KCNQ2: variants seen among roughly 807,000 people sequenced by gnomAD.
KCNQ2 encodes the protein potassium voltage-gated channel subfamily Q member 2, also known as potassium voltage-gated channel subfamily KQT member 2.
In KCNQ2, 14 loss-of-function variants were observed where a neutral mutation model predicts 84.8. That is an observed-to-expected ratio of 0.17 (90% CI 0.11 to 0.26). The LOEUF (loss-of-function observed/expected upper bound fraction) is 0.26. KCNQ2 is among the 10% of genes least tolerant of loss of function. The probability of loss-of-function intolerance (pLI) is 1.00; values close to 1 mark genes in which losing one functional copy is unlikely to be tolerated. For missense variants in KCNQ2, 788 were observed against 1,254.0 expected, an observed-to-expected ratio of 0.63 and a Z score of 5.61; for synonymous variants, 599 against 554.1, an observed-to-expected ratio of 1.08 and a Z score of -1.14.
intron 9 of KCNQ2, among the ~76,000 whole-genome samples, chr20:63,428,791 C>T (rs1020425935): frequency 2.0e-5 from 3 of 152,148 alleles, no homozygotes; most frequent in Non-Finnish European, 4.4e-5. Context: ...CCCTTCTAAT[C>T]CCTGAACATC....
At chr20:63,409,502 G>A (rs1375585909) in intron 15 of KCNQ2, among the ~76,000 whole-genome samples, 4 of 152,202 alleles carry the variant, frequency 2.6e-5, no homozygotes, top group Admixed American at 1.3e-4. Context: ...GTGGGTGTGC[G>A]CTGAGGCCTG....
intron 11 of KCNQ2, among the ~76,000 whole-genome samples, chr20:63,421,682 A>C (rs3787125): frequency 0.44 from 67,049 of 151,910 alleles, 15,028 homozygotes; most frequent in East Asian, 0.62. Flanking sequence ...GGGGAGCCCG[A>C]ACAGGCACGG....
At chr20:63,417,971 G>A (rs973871180) in intron 12 of KCNQ2, among the ~76,000 whole-genome samples, 8 of 152,120 alleles carry the variant, frequency 5.3e-5, no homozygotes, top group South Asian at 2.1e-4. Flanking sequence ...CTCGGGCTCC[G>A]CTCCCACCTC....
chr20:63,462,077 C>A (rs1199490283), intron 1 of KCNQ2, among the ~76,000 whole-genome samples: 3 of 131,370 alleles, frequency 2.3e-5, no homozygotes, highest in Non-Finnish European at 4.7e-5. Context: ...GCTGCACCCA[C>A]CCCAGGGAGC....
At chr20:63,442,628 A>G in intron 4 of KCNQ2, 97 bp from the exon 5 acceptor site, 2 of 1,293,192 alleles carry the variant, frequency 1.5e-6, no homozygotes, top group South Asian at 1.2e-5. Context: ...CACCATGACC[A>G]CCATCACCAC....
At chr20:63,443,274 C>T (rs1253776293) in intron 4 of KCNQ2, among the ~76,000 whole-genome samples, 57 of 25,488 alleles carry the variant, frequency 2.2e-3, no homozygotes, top group African/African-American at 8.1e-3. Flanking sequence ...ATCATCACCA[C>T]CATCACCATC....
Position 63,407,624 on chromosome 20 carries a change from G to A in KCNQ2, c.1888-249C>T, listed in dbSNP as rs190454024. Among the ~76,000 whole-genome samples the A allele has an allele frequency of 2.0e-5, 3 of 152,014 alleles. No homozygotes were observed. Among genetic ancestry groups the A allele is most frequent in the Non-Finnish European group, 2.9e-5 (2 of 67,904 alleles). On this transcript the variant is annotated intron_variant, in intron 16 of 16. Transcript: ENST00000359125. The surrounding 1 kb of genome is among the most constrained non-coding windows in gnomAD (Gnocchi z 7.2). ...GACCCAGGCTAGTCCCAGGAAATGG[G>A]GGACCCAGGCTAGTCCCAGGAAATG...
intron 1 of KCNQ2, among the ~76,000 whole-genome samples, chr20:63,470,199 CCCCTGCCCACAG>C (rs2082180806): frequency 2.0e-5 from 3 of 151,310 alleles, no homozygotes; most frequent in African/African-American, 7.4e-5. Flanking sequence ...GTCCAAGCCA[CCCCTGCCCACAG>C]CAAAGGAGCT....
intron 1 of KCNQ2, among the ~76,000 whole-genome samples, chr20:63,456,979 G>T (rs1191171576): frequency 2.6e-5 from 4 of 152,182 alleles, no homozygotes; most frequent in Non-Finnish European, 5.9e-5. Context: ...CCTCCCTGGG[G>T]GCCCCGCTCG....
At position 63,414,267 on chromosome 20, in the gene KCNQ2, C is replaced by T. The variant is rs1225044362; in HGVS notation, c.1526-74G>A. On this transcript the variant is annotated intron_variant, in intron 13 of 16. Transcript: ENST00000359125. This position sits in a 1 kb window ranked among gnomAD's most constrained non-coding sequence, Gnocchi z 6.6. ...TATTCCCGGGGTCCTGCAGGGCACA[C>T]CGGCTAGACAGAGCGCCAGGGAGCC... 9.9e-6 allele frequency: 11 copies of T among 1,111,580 alleles called. No homozygotes were observed. In the African/African-American group the frequency reaches 1.2e-4, roughly 12 times the overall value. 68.9% of individuals were successfully genotyped at this position (1,111,580 alleles called of 1,614,324 possible). A position where few individuals can be genotyped will look rare whatever the true frequency, so the allele number is the denominator to read the frequency against.
In KCNQ2 at chr20:63,400,558, C is replaced by T; in HGVS notation, c.*6086G>A. The T allele has an allele frequency of 2.5e-6, 1 of 398,364 alleles. No individual in the cohort carries two copies. Among genetic ancestry groups the T allele is most frequent in the Non-Finnish European group, 4.4e-6 (1 of 225,980 alleles). 24.7% of individuals were successfully genotyped at this position (398,364 alleles called of 1,614,324 possible). ...GGCACAAGGACACATACAAAATGGT[C>T]AGAAGTGTACGTCGGTACTGAAGGC... On this transcript the variant is annotated 3_prime_UTR_variant, in exon 17 of 17. Coordinates refer to ENST00000359125, the MANE Select transcript of KCNQ2 (RefSeq NM_172107.4). This position sits in a 1 kb window ranked among gnomAD's most constrained non-coding sequence, Gnocchi z 8.7.
At chr20:63,468,476 G>T (rs947720631) in intron 1 of KCNQ2, among the ~76,000 whole-genome samples, 2 of 152,236 alleles carry the variant, frequency 1.3e-5, no homozygotes, top group African/African-American at 4.8e-5. Flanking sequence ...GCTCACACCA[G>T]CCCCAGAGCT....
At chr20:63,445,782 G>A (rs1366974599) in intron 2 of KCNQ2, among the ~76,000 whole-genome samples, 5,316 of 100,618 alleles carry the variant, frequency 0.053, 436 homozygotes, top group Middle Eastern at 0.076. Flanking sequence ...TGAGCTGGGG[G>A]ACCCTGTCTG....
chr20:63,449,187 CATA>C (rs1482206694), intron 1 of KCNQ2: 1 of 152,288 alleles, frequency 6.6e-6, no homozygotes, highest in African/African-American at 2.4e-5. Flanking sequence ...CCTTAAGACA[CATA>C]ATGTGAGCAC....
intron 1 of KCNQ2, among the ~76,000 whole-genome samples, chr20:63,458,293 C>T (rs770029372): frequency 2.0e-5 from 3 of 151,976 alleles, no homozygotes; most frequent in Admixed American, 6.5e-5. Flanking sequence ...CCAGCATAGG[C>T]GAGCCCCAGG....
At chr20:63,461,905 A>G (rs1213756270) in intron 1 of KCNQ2, among the ~76,000 whole-genome samples, 1 of 130,164 alleles carries the variant, frequency 7.7e-6, no homozygotes, top group Non-Finnish European at 1.6e-5. Context: ...TACCCCAGGG[A>G]GCAGGGAGGA....
intron 1 of KCNQ2, among the ~76,000 whole-genome samples, chr20:63,470,261 G>A (rs960124502): frequency 2.0e-5 from 3 of 147,290 alleles, no homozygotes; most frequent in Non-Finnish European, 1.5e-5. Flanking sequence ...AGGGAGCTCC[G>A]TGCCCACAGC....
At chr20:63,413,692 GCCCCTC>G in intron 14 of KCNQ2, 111 bp from the exon 15 acceptor site, 1 of 1,210,714 alleles carries the variant, frequency 8.3e-7, no homozygotes, top group South Asian at 1.4e-5. Flanking sequence ...GGCTGGACTT[GCCCCTC>G]TTGTCTGCCG....
chr20:63,424,064 G>T, intron 11 of KCNQ2, 113 bp downstream of exon 11: 1 of 1,209,554 alleles, frequency 8.3e-7, no homozygotes, highest in South Asian at 1.3e-5. Context: ...AGTCACACAC[G>T]GAAGCACACA....
Sources: gnomAD v4.1 joint callset for allele counts (sites outside exome capture counted in the v4.1 genomes callset) on GRCh38, gnomAD v4.1.1 for gene constraint, Gnocchi (gnomAD v3.1) non-coding constraint, MANE v1.5 for transcripts, NCBI Gene and HGNC (gene_info 2026-07-23, HGNC 2026-07-21) for gene names.